Variants in ARID4B observed in about 807,000 individuals in gnomAD.
The protein encoded by ARID4B is AT-rich interactive domain-containing protein 4B.
Under a neutral mutation model 147.5 loss-of-function variants are expected in ARID4B, and 26 were observed. The ratio of observed to expected loss-of-function variants is 0.18; its 90% CI spans 0.13 to 0.24. ARID4B has a LOEUF of 0.24. Ranked by LOEUF, ARID4B falls within the 10% of genes least tolerant of loss-of-function variation. The pLI is 1.00. For missense variants in ARID4B, 1,179 were observed against 1,511.5 expected (o/e 0.78, Z 3.65); for synonymous variants, 512 against 507.9 (o/e 1.01, Z -0.11).
At chr1:235,169,284 A>C (rs1359594343) in intron 23 of ARID4B, among the ~76,000 whole-genome samples, 1 of 150,760 alleles carries the variant, frequency 6.6e-6, no homozygotes, top group Admixed American at 6.7e-5. Flanking sequence ...TCTGTCGCCC[A>C]GGCTGGAGTG....
At chr1:235,308,496 C>T (rs1016013461) in intron 2 of ARID4B, among the ~76,000 whole-genome samples, 3 of 149,022 alleles carry the variant, frequency 2.0e-5, no homozygotes, top group African/African-American at 7.5e-5. Context: ...CCCTCTCCCT[C>T]TCTTTCCACG....
In ARID4B at chr1:235,213,963, T is replaced by C. The variant is rs187464729; in HGVS notation, c.1647A>G (p.Glu549=). The C allele has an allele frequency of 8.6e-5, 135 of 1,577,368 alleles. No individual in the cohort carries two copies. The highest frequency in any genetic ancestry group is 1.2e-4 in the Admixed American group (7 of 59,740). The change falls in exon 17 of 24, where the codon GAA becomes GAG. Residue 549 remains glutamate (E), a synonymous_variant. Transcript: ENST00000264183. ...CATCATCTTCATCCTCTTCTTCTTC[T>C]TCCTCCTCCTCCTCCTCTTCTGCTT... The part of the protein sequence containing the change: ...DEEAEEEEEE[E]EEEEDEDDDD...
At position 235,223,684 on chromosome 1, in the gene ARID4B, C is replaced by CGTT. The variant is rs149769753; in HGVS notation, c.971-425_971-424insAAC. The stretch of plus-strand genomic sequence containing the variant: ...AAATAATGATTCTATAGTAAAGCTA[C>CGTT]ATTTTTTTTTTTTTTTCATTCTAAC... On this transcript the variant is annotated intron_variant, in intron 12 of 23. Coordinates refer to ENST00000264183, the MANE Select transcript of ARID4B (RefSeq NM_016374.6). Among the ~76,000 whole-genome samples, 23 of 117,162 alleles carry CGTT rather than the reference C, an allele frequency of 2.0e-4. 1 individual carries two copies. Among genetic ancestry groups the CGTT allele is most frequent in the African/African-American group, 6.0e-4 (18 of 29,794 alleles). 76.9% of individuals were successfully genotyped at this position (117,162 alleles called of 152,430 possible). A position where few individuals can be genotyped will look rare whatever the true frequency, so the allele number is the denominator to read the frequency against.
At position 235,266,019 on chromosome 1, in the gene ARID4B, C is replaced by T. The variant is rs141753782; in HGVS notation, c.7-5267G>A. Among the ~76,000 whole-genome samples, 98 of 152,188 alleles carry T rather than the reference C, an allele frequency of 6.4e-4. 1 individual carries two copies. The East Asian group carries it at 0.018, about 28-fold the overall frequency. ...AATTCCCACATAAATAGAGCAGATG[C>T]CAATGTAATTGTGTATATACGTGGG... On this transcript the variant is annotated intron_variant, in intron 2 of 23. Coordinates refer to ENST00000264183, the MANE Select transcript of ARID4B (RefSeq NM_016374.6).
At chr1:235,172,121 T>G (rs531167447) in intron 23 of ARID4B, among the ~76,000 whole-genome samples, 16 of 152,214 alleles carry the variant, frequency 1.1e-4, no homozygotes, top group Non-Finnish European at 1.9e-4. Flanking sequence ...ATAAACTCTA[T>G]GAAAGTGAAT....
intron 17 of ARID4B, among the ~76,000 whole-genome samples, 168 bp from the exon 18 acceptor site, chr1:235,196,283 G>A (rs759428724): frequency 3.9e-5 from 6 of 152,226 alleles, no homozygotes; most frequent in Admixed American, 6.5e-5. Context: ...GGCACAAAGA[G>A]AGGGAGGTAA....
chr1:235,254,472 A>C (rs1046811577), intron 5 of ARID4B, among the ~76,000 whole-genome samples: 4 of 151,966 alleles, frequency 2.6e-5, no homozygotes, highest in Admixed American at 6.5e-5. Context: ...GTAAAACAAA[A>C]ATAAAAATAA....
intron 2 of ARID4B, among the ~76,000 whole-genome samples, chr1:235,272,907 G>A (rs940167885): frequency 6.6e-6 from 1 of 152,124 alleles, no homozygotes; most frequent in Non-Finnish European, 1.5e-5. Context: ...TTCAAGAATA[G>A]GTATGAGCAG....
intron 16 of ARID4B, among the ~76,000 whole-genome samples, chr1:235,219,009 G>A (rs1237489308): frequency 1.3e-5 from 2 of 151,766 alleles, no homozygotes; most frequent in Non-Finnish European, 2.9e-5. Flanking sequence ...GGGATTATGG[G>A]CACATGTCAC....
chr1:235,268,370 TAC>T (rs34759406), intron 2 of ARID4B, among the ~76,000 whole-genome samples: 44,345 of 149,976 alleles, frequency 0.3, 7,556 homozygotes, highest in South Asian at 0.53. Flanking sequence ...TATATATACA[TAC>T]ACACACACAC....
chr1:235,201,678 C>A (rs4433382), intron 17 of ARID4B, among the ~76,000 whole-genome samples: 43,225 of 151,798 alleles, frequency 0.28, 7,437 homozygotes, highest in South Asian at 0.53. Flanking sequence ...TTTTAAAATG[C>A]TTCCAGACCA....
At chr1:235,223,284 A>G (rs200917684) in intron 12 of ARID4B, 24 bp from the exon 13 acceptor site, 27 of 1,300,432 alleles carry the variant, frequency 2.1e-5, no homozygotes, top group Admixed American at 2.5e-5. Context: ...CACAAACTAT[A>G]TTAGATCCAC....
intron 2 of ARID4B, among the ~76,000 whole-genome samples, chr1:235,297,645 T>C (rs1021455763): frequency 1.3e-5 from 2 of 152,008 alleles, no homozygotes; most frequent in African/African-American, 4.8e-5. Context: ...CCAGCAATAC[T>C]GAAAGTGAAC....
At chr1:235,298,927 A>G (rs181163593) in intron 2 of ARID4B, among the ~76,000 whole-genome samples, 2 of 112,766 alleles carry the variant, frequency 1.8e-5, no homozygotes, top group East Asian at 4.0e-4. Flanking sequence ...GTCTCAGCCC[A>G]GCACAGTGGC....
At chr1:235,311,804 A>C (rs1019923571) in intron 2 of ARID4B, among the ~76,000 whole-genome samples, 1 of 152,108 alleles carries the variant, frequency 6.6e-6, no homozygotes, top group African/African-American at 2.4e-5. Flanking sequence ...ACAAACAAAC[A>C]AACAAAAACA....
chr1:235,173,795 T>TATATATATATGTATACCTAAAAC (rs1663624345), intron 22 of ARID4B, among the ~76,000 whole-genome samples: 1 of 72,720 alleles, frequency 1.4e-5, no homozygotes, highest in Admixed American at 1.8e-4. Context: ...TATATATATA[T>TATATATATATGTATACCTAAAAC]ATATATATAT....
chr1:235,219,052 C>T (rs1667274427), intron 16 of ARID4B, among the ~76,000 whole-genome samples: 1 of 151,838 alleles, frequency 6.6e-6, no homozygotes, highest in Non-Finnish European at 1.5e-5. Context: ...TTAGAAGAGA[C>T]AGGGTTTCGG....
intron 2 of ARID4B, among the ~76,000 whole-genome samples, chr1:235,311,591 T>C (rs2103278312): frequency 6.6e-6 from 1 of 151,888 alleles, no homozygotes; most frequent in East Asian, 1.9e-4. Context: ...CTGGCCAACG[T>C]GGCAAAACCC....
At chr1:235,241,938 A>G (rs933227812) in intron 7 of ARID4B, among the ~76,000 whole-genome samples, 7 of 152,130 alleles carry the variant, frequency 4.6e-5, no homozygotes, top group African/African-American at 7.2e-5. Flanking sequence ...AACAAAGCAA[A>G]TCTTCAAAGC....
Sources: gnomAD v4.1 joint callset for allele counts (sites outside exome capture counted in the v4.1 genomes callset) on GRCh38, gnomAD v4.1.1 for gene constraint, MANE v1.5 for transcripts, NCBI Gene and HGNC (gene_info 2026-07-23, HGNC 2026-07-21) for gene names.